Variants in TOPBP1 observed in about 807,000 individuals in gnomAD.
The protein encoded by TOPBP1 is DNA topoisomerase 2-binding protein 1.
TOPBP1 carries 28 observed loss-of-function variants against 167.7 expected under a neutral mutation model. The ratio of observed to expected loss-of-function variants is 0.17; its 90% CI spans 0.12 to 0.23. The LOEUF is 0.23. Among genes scored for constraint, TOPBP1 ranks in the 10% least tolerant of loss-of-function variants. TOPBP1 has a pLI of 1.00. For synonymous variants in TOPBP1, 598 were observed against 611.4 expected (o/e 0.98, Z 0.32); for missense variants, 1,554 against 1,809.6 (o/e 0.86, Z 2.56).
rs771393004 is a variant in TOPBP1 at position 133,623,461 on chromosome 3, C to T, written c.2929-4G>A. 1 of 1,606,418 alleles carries T rather than the reference C, an allele frequency of 6.2e-7. No homozygotes were observed. The highest frequency in any genetic ancestry group is 8.5e-7 in the Non-Finnish European group (1 of 1,175,734). On this transcript the variant is annotated splice_region_variant and splice_polypyrimidine_tract_variant and intron_variant, in intron 17 of 27. Transcript: ENST00000260810. ...GATGTTTACACTCTTGGGCACACTG[C>T]AATACAATGGTGTGCTTTAAGACAG...
intron 10 of TOPBP1, among the ~76,000 whole-genome samples, chr3:133,648,778 A>G (rs1393880443): frequency 6.6e-6 from 1 of 152,188 alleles, no homozygotes; most frequent in Non-Finnish European, 1.5e-5. Flanking sequence ...AGCCTGCGCA[A>G]CAAGAGCGAA....
chr3:133,656,461 G>A (rs1292123016), intron 5 of TOPBP1, among the ~76,000 whole-genome samples: 2 of 152,132 alleles, frequency 1.3e-5, no homozygotes, highest in Non-Finnish European at 2.9e-5. Flanking sequence ...TTCCTACTCT[G>A]TAGCTAATGC....
At chr3:133,616,968 T>C (rs763650714) in intron 22 of TOPBP1, 43 bp from the exon 23 acceptor site, 17 of 1,333,688 alleles carry the variant, frequency 1.3e-5, no homozygotes, top group African/African-American at 7.4e-5. Context: ...ACATTAAAAA[T>C]GATCAGATAC....
chr3:133,647,963 A>G (rs1936138881), intron 10 of TOPBP1, among the ~76,000 whole-genome samples: 1 of 152,172 alleles, frequency 6.6e-6, no homozygotes, highest in Non-Finnish European at 1.5e-5. Context: ...GATAATAAAC[A>G]TTTCTTGACC....
At chr3:133,602,960 A>C in intron 27 of TOPBP1, among the ~76,000 whole-genome samples, 1 of 148,852 alleles carries the variant, frequency 6.7e-6, no homozygotes, top group Non-Finnish European at 1.5e-5. Flanking sequence ...CAGAGGCACG[A>C]TCTTGGCTCA....
chr3:133,606,682 G>A (rs894393554), intron 27 of TOPBP1, among the ~76,000 whole-genome samples: 1 of 151,958 alleles, frequency 6.6e-6, no homozygotes, highest in African/African-American at 2.4e-5. Flanking sequence ...TCAACAAGTA[G>A]ATAATGAAAC....
chr3:133,617,004 C>A, intron 22 of TOPBP1, 79 bp from the exon 23 acceptor site: 2 of 1,250,462 alleles, frequency 1.6e-6, no homozygotes, highest in Non-Finnish European at 2.2e-6. Flanking sequence ...TGGTATTTTA[C>A]TCAGTCTTCT....
At chr3:133,620,375 A>C (rs1935044514) in intron 19 of TOPBP1, 28 bp from the exon 20 acceptor site, 1 of 1,596,174 alleles carries the variant, frequency 6.3e-7, no homozygotes, top group Non-Finnish European at 8.5e-7. Flanking sequence ...TACACCATTC[A>C]AGGTAAGTTC....
intron 10 of TOPBP1, among the ~76,000 whole-genome samples, chr3:133,647,934 G>A (rs1053818627): frequency 2.6e-5 from 4 of 152,124 alleles, no homozygotes; most frequent in African/African-American, 7.2e-5. Context: ...GAGAATGGGG[G>A]AGAGGCAATA....
chr3:133,613,351 C>T (rs1934745985), intron 23 of TOPBP1, among the ~76,000 whole-genome samples: 1 of 152,148 alleles, frequency 6.6e-6, no homozygotes, highest in Non-Finnish European at 1.5e-5. Flanking sequence ...TTTGTCTTCA[C>T]TTGGATTGTT....
At chr3:133,638,218 C>A in intron 13 of TOPBP1, 56 bp from the exon 14 acceptor site, 1 of 1,507,166 alleles carries the variant, frequency 6.6e-7, no homozygotes, top group South Asian at 1.2e-5. Context: ...CACTTTTTCC[C>A]GGTACACAAG....
chr3:133,640,106 T>C lies in TOPBP1; in HGVS notation c.2086A>G (p.Ile696Val), dbSNP rs1028890818. 1.2e-6 allele frequency: 2 copies of C among 1,613,850 alleles called. No homozygotes were observed. The highest frequency in any genetic ancestry group is 2.2e-5 in the East Asian group (1 of 44,872). Residue 696 changes from isoleucine to valine, a missense_variant, in exon 13 of 28, where the codon ATA (isoleucine) becomes GTA (valine). Ile to Val is a conservative substitution (Grantham distance 29). Transcript: ENST00000260810. The stretch of plus-strand genomic sequence containing the variant: ...TTAGAGCCACCACGTTCTTTCAGTA[T>C]AAGATGAGTACTGGCAAACATGCCT... ...KKGMFASTHL[I>V]LKERGGSKYE... is the part of the protein sequence containing the mutation.
At chr3:133,623,052 C>CA (rs766916415) in intron 19 of TOPBP1, 39 bp downstream of exon 19, 12 of 1,342,450 alleles carry the variant, frequency 8.9e-6, no homozygotes, top group African/African-American at 3.0e-5. Flanking sequence ...GACCTTGTCT[C>CA]AAAAAAAATT....
intron 5 of TOPBP1, among the ~76,000 whole-genome samples, chr3:133,655,864 T>A (rs1197240569): frequency 6.6e-6 from 1 of 152,142 alleles, no homozygotes; most frequent in Non-Finnish European, 1.5e-5. Context: ...TCTATACAAG[T>A]AAAAGCAATG....
chr3:133,610,874 CA>C, intron 25 of TOPBP1, 129 bp downstream of exon 25: 2 of 946,124 alleles, frequency 2.1e-6, no homozygotes, highest in Non-Finnish European at 3.1e-6. Flanking sequence ...TTAAAAGAGC[CA>C]TCAAAAATTT....
At chr3:133,603,779 C>T (rs1934396707) in intron 27 of TOPBP1, among the ~76,000 whole-genome samples, 2 of 151,136 alleles carry the variant, frequency 1.3e-5, no homozygotes, top group South Asian at 4.2e-4. Flanking sequence ...TATAACTAAA[C>T]AAACAAAAAA....
chr3:133,619,363 T>C (rs749285526), intron 20 of TOPBP1, among the ~76,000 whole-genome samples: 19 of 152,178 alleles, frequency 1.2e-4, no homozygotes, highest in African/African-American at 3.6e-4. Context: ...TGTAATACAG[T>C]TAGCGTAAGA....
At chr3:133,647,714 A>G (rs1936127057) in intron 10 of TOPBP1, among the ~76,000 whole-genome samples, 1 of 152,158 alleles carries the variant, frequency 6.6e-6, no homozygotes, top group African/African-American at 2.4e-5. Flanking sequence ...TTAAAAAGCT[A>G]AAACTTCTAG....
intron 27 of TOPBP1, among the ~76,000 whole-genome samples, chr3:133,606,195 AT>A (rs1934487437): frequency 6.6e-6 from 1 of 152,214 alleles, no homozygotes; most frequent in South Asian, 2.1e-4. Flanking sequence ...CTCAAAATAA[AT>A]AAATAATAAT....
Sources: allele counts gnomAD v4.1 joint callset (sites outside exome capture counted in the v4.1 genomes callset), GRCh38; gene constraint gnomAD v4.1.1; transcripts MANE v1.5; gene names NCBI Gene and HGNC (gene_info 2026-07-23, HGNC 2026-07-21).